Variants in UBE2W observed in about 807,000 individuals in gnomAD.
UBE2W encodes the protein ubiquitin-conjugating enzyme E2 W.
Under a neutral mutation model 27.2 loss-of-function variants are expected in UBE2W, and 18 were observed. The ratio of observed to expected loss-of-function variants is 0.66; its 90% CI spans 0.46 to 0.98. The LOEUF (loss-of-function observed/expected upper bound fraction) is 0.98, where lower values mean the gene tolerates loss of function less well. Ranked by LOEUF, UBE2W falls within the 50% of genes least tolerant of loss-of-function variation. The pLI, the probability that UBE2W is intolerant of heterozygous loss-of-function variation, is 0.00. For missense variants in UBE2W, 90 were observed against 180.2 expected (o/e 0.50, Z 2.87); for synonymous variants, 53 against 57.2 (o/e 0.93, Z 0.33).
intron 1 of UBE2W, among the ~76,000 whole-genome samples, chr8:73,843,538 A>C (rs1393485567): frequency 2.0e-5 from 3 of 152,056 alleles, no homozygotes; most frequent in Non-Finnish European, 2.9e-5. Flanking sequence ...CCGGAAACTG[A>C]GGGGGAAAGA....
At position 73,787,935 on chromosome 8, in the gene UBE2W, G is replaced by T. The variant is rs147635601; in HGVS notation, c.*6167C>A. 4.0e-4 allele frequency: 398 copies of T among 985,174 alleles called. 1 individual carries two copies. The African/African-American group carries it at 6.5e-3, about 16-fold the overall frequency. 61.0% of individuals were successfully genotyped at this position (985,174 alleles called of 1,614,324 possible). On this transcript the variant is annotated 3_prime_UTR_variant, in exon 6 of 6. Transcript: ENST00000602593. The stretch of plus-strand genomic sequence containing the variant: ...TAGCTACATATTACATAAAGGTGAT[G>T]TGTTAAATAGATGGTTTAAGTGACT...
rs11336925 is a variant in UBE2W at position 73,843,779 on chromosome 8, CAAAA to C, written c.16-13311_16-13308del. 3.1e-3 allele frequency among the ~76,000 whole-genome samples: 381 copies of C among 121,262 alleles called. 1 individual carries two copies. Among genetic ancestry groups the C allele is most frequent in the African/African-American group, 0.011 (355 of 32,762 alleles). 79.6% of individuals were successfully genotyped at this position (121,262 alleles called of 152,430 possible). ...ATGAAAATATGAAAGGTAGAGACAC[CAAAA>C]AAAAAAAAAAAAAAATTAGAGAACA... On this transcript the variant is annotated intron_variant, in intron 1 of 5. Coordinates refer to ENST00000602593, the MANE Select transcript of UBE2W (RefSeq NM_018299.6).
In UBE2W at chr8:73,858,876, G is replaced by T. The variant is rs1290663836; in HGVS notation, c.15+19932C>A. On this transcript the variant is annotated intron_variant, in intron 1 of 5. Coordinates refer to ENST00000602593, the MANE Select transcript of UBE2W (RefSeq NM_018299.6). ...TCTCTATCATTAGGGGGGTTTTTGC[G>T]TGCGTGTGTGTGTGTGTGTGTGTGT... Among the ~76,000 whole-genome samples, 26 of 74,080 alleles carry T rather than the reference G, an allele frequency of 3.5e-4. 1 individual carries two copies. The Admixed American group carries it at 3.7e-3, about 11-fold the overall frequency. 48.6% of individuals were successfully genotyped at this position (74,080 alleles called of 152,430 possible). A position where few individuals can be genotyped will look rare whatever the true frequency, so the allele number is the denominator to read the frequency against.
At chr8:73,785,655 GAT>G (rs1807931668), downstream of UBE2W, among the ~76,000 whole-genome samples, 2 of 152,124 alleles carry the variant, frequency 1.3e-5, no homozygotes, top group African/African-American at 4.8e-5. Flanking sequence ...GCAATGGCAT[GAT>G]CTTAGTTCAC....
At chr8:73,802,911 T>A (rs1416478249) in intron 5 of UBE2W, among the ~76,000 whole-genome samples, 1 of 151,610 alleles carries the variant, frequency 6.6e-6, no homozygotes, top group East Asian at 1.9e-4. Context: ...TAGTCCCAGC[T>A]ACGCGGGAGG....
chr8:73,825,169 C>T lies in UBE2W; in HGVS notation c.188G>A (p.Arg63Gln), dbSNP rs866710914. Reference sequence around the variant, plus strand: ...TACCTGAGGAGAGTCAAAAGGATATCGACTACTAAATTTAAATAGAAGTTG... The same window carrying T: ...TACCTGAGGAGAGTCAAAAGGATATTGACTACTAAATTTAAATAGAAGTTG... ...KFQLLFKFSSRYPFDSPQVMF... is the reference protein window; with the variant it reads ...KFQLLFKFSSQYPFDSPQVMF... Residue 63 changes from arginine (R) to glutamine (Q), a missense_variant, in exon 3 of 6, where the codon CGA becomes CAA. By Grantham distance (43) the Arg-to-Gln change is conservative (BLOSUM62 1). Transcript: ENST00000602593. 1.9e-6 allele frequency: 3 copies of T among 1,555,768 alleles called. No individual in the cohort carries two copies. The highest frequency in any genetic ancestry group is 2.4e-5 in the East Asian group (1 of 41,806).
At chr8:73,872,569 A>C (rs769549752) in intron 1 of UBE2W, among the ~76,000 whole-genome samples, 1 of 152,222 alleles carries the variant, frequency 6.6e-6, no homozygotes, top group Non-Finnish European at 1.5e-5. Flanking sequence ...ACTTATTTGG[A>C]AAGTGACTTA....
At chr8:73,833,486 T>C (rs1327802083) in intron 1 of UBE2W, among the ~76,000 whole-genome samples, 1 of 152,154 alleles carries the variant, frequency 6.6e-6, no homozygotes, top group Non-Finnish European at 1.5e-5. Flanking sequence ...TAGTAGAACA[T>C]CAGAATACAA....
chr8:73,812,903 G>A (rs1387312478), intron 3 of UBE2W, among the ~76,000 whole-genome samples: 1 of 151,404 alleles, frequency 6.6e-6, no homozygotes, highest in Non-Finnish European at 1.5e-5. Flanking sequence ...TATTTGGGAG[G>A]CTGAGGCAGG....
At chr8:73,838,958 G>A (rs895380918) in intron 1 of UBE2W, among the ~76,000 whole-genome samples, 1 of 152,092 alleles carries the variant, frequency 6.6e-6, no homozygotes, top group African/African-American at 2.4e-5. Context: ...AAACCTCTAG[G>A]GGGTATTTGG....
chr8:73,782,258 T>G (rs1807860619), downstream of UBE2W, among the ~76,000 whole-genome samples: 1 of 152,152 alleles, frequency 6.6e-6, no homozygotes, highest in Non-Finnish European at 1.5e-5. Context: ...ATTGTGTTTT[T>G]TTTTTAATTG....
At chr8:73,854,000 T>C (rs1811182476) in intron 1 of UBE2W, among the ~76,000 whole-genome samples, 1 of 151,860 alleles carries the variant, frequency 6.6e-6, no homozygotes, top group Admixed American at 6.6e-5. Flanking sequence ...AAATAAAAAA[T>C]TAGCTGGGCG....
At chr8:73,794,866 A>AG (rs903165265) in intron 5 of UBE2W, among the ~76,000 whole-genome samples, 11 of 148,550 alleles carry the variant, frequency 7.4e-5, no homozygotes, top group African/African-American at 2.8e-4. Context: ...AAAAAAAAAA[A>AG]AAAGAAAAAA....
rs183444055 is a variant in UBE2W, at chr8:73,794,008, T to C, written c.*94A>G. The C allele has an allele frequency of 4.0e-5, 63 of 1,584,730 alleles. No individual in the cohort carries two copies. In the African/African-American group the frequency reaches 7.7e-4, roughly 19 times the overall value. ...GTAGTCTTCATTGCCTATAGGTCAC[T>C]TCCAGTCAAAGGTTAAAGTTCAAAG... is the stretch of plus-strand genomic sequence containing the variant. On this transcript the variant is annotated 3_prime_UTR_variant, in exon 6 of 6. Transcript: ENST00000602593.
chr8:73,868,179 G>T (rs1811857780), intron 1 of UBE2W, among the ~76,000 whole-genome samples: 1 of 152,156 alleles, frequency 6.6e-6, no homozygotes, highest in Admixed American at 6.5e-5. Context: ...GAAACATTCA[G>T]CCCCACCCCA....
chr8:73,861,888 G>A (rs1031394745), intron 1 of UBE2W, among the ~76,000 whole-genome samples: 1 of 152,150 alleles, frequency 6.6e-6, no homozygotes, highest in African/African-American at 2.4e-5. Flanking sequence ...GTCAATAAGT[G>A]CTCAGATATG....
intron 1 of UBE2W, among the ~76,000 whole-genome samples, chr8:73,868,763 C>T (rs572109901): frequency 5.3e-5 from 8 of 150,968 alleles, no homozygotes; most frequent in South Asian, 2.1e-4. Context: ...GTGTTGTGGG[C>T]GAGTACATAA....
Position 73,805,481 on chromosome 8 carries a change from CT to C in UBE2W, c.442+169del, listed in dbSNP as rs1482755955. ...AAAAAAAAAAAAAAAACAAAAAAAA[CT>C]AGGGTAATTCATCCATTAAATATAT... is the stretch of plus-strand genomic sequence containing the variant. On this transcript the variant is annotated intron_variant, in intron 5 of 5. Coordinates refer to ENST00000602593, the MANE Select transcript of UBE2W (RefSeq NM_018299.6). Among the ~76,000 whole-genome samples, 22 of 17,938 alleles carry C rather than the reference CT, an allele frequency of 1.2e-3. 2 individuals carry two copies. In the South Asian group the frequency reaches 0.038, roughly 31 times the overall value. 11.8% of individuals were successfully genotyped at this position (17,938 alleles called of 152,430 possible). A position where few individuals can be genotyped will look rare whatever the true frequency, so the allele number is the denominator to read the frequency against.
intron 5 of UBE2W, among the ~76,000 whole-genome samples, chr8:73,798,163 G>A (rs1243545630): frequency 6.6e-6 from 1 of 152,032 alleles, no homozygotes; most frequent in Non-Finnish European, 1.5e-5. Context: ...AGGCATGGTG[G>A]TACGTTGTCT....
Sources: allele counts gnomAD v4.1 joint callset (sites outside exome capture counted in the v4.1 genomes callset), GRCh38; gene constraint gnomAD v4.1.1; transcripts MANE v1.5; gene names NCBI Gene and HGNC (gene_info 2026-07-23, HGNC 2026-07-21).